ABCA12: variants seen among roughly 807,000 people sequenced by gnomAD.
ABCA12 encodes ATP binding cassette subfamily A member 12, also known as glucosylceramide transporter ABCA12.
In ABCA12, 156 loss-of-function variants were observed where a neutral mutation model predicts 293.5. The ratio of observed to expected loss-of-function variants is 0.53; its 90% CI spans 0.47 to 0.61. The LOEUF (loss-of-function observed/expected upper bound fraction) is 0.61, where lower values mean the gene tolerates loss of function less well. ABCA12 is among the 20% of genes least tolerant of loss of function. The pLI is 0.00. For missense variants in ABCA12, 2,797 were observed against 3,090.2 expected (o/e 0.91, Z 2.25); for synonymous variants, 1,063 against 1,108.0 (o/e 0.96, Z 0.81).
chr2:215,026,674 C>G lies in ABCA12; in HGVS notation c.1180+146G>C, dbSNP rs557524356. 44 of 754,376 alleles carry G rather than the reference C, an allele frequency of 5.8e-5. No individual in the cohort carries two copies. The East Asian group carries it at 1.1e-3, about 18-fold the overall frequency. The allele number at this position is 754,376 out of a possible 1,614,324, so 46.7% of individuals were successfully genotyped here. On this transcript the variant is annotated intron_variant, in intron 10 of 52. Coordinates refer to ENST00000272895, the MANE Select transcript of ABCA12 (RefSeq NM_173076.3). ...ATGACAAGACATTCCCTTTGTATAT[C>G]AAATCACCAGACTGAAACTGATGCA...
Position 215,052,487 on chromosome 2 carries a change from C to G in ABCA12, c.507G>C (p.Lys169Asn), listed in dbSNP as rs1313215239. Residue 169 changes from lysine (K) to asparagine (N), a missense_variant and splice_region_variant, in exon 5 of 53, where the codon AAG becomes AAC. Coordinates refer to ENST00000272895, the MANE Select transcript of ABCA12 (RefSeq NM_173076.3). ...QVLARILGLE[K>N]LLKQNSTSED... ...CCATTACAAAATTGAATCAAGTTACCTTTTCCAAGCCAAGAATTCGTGCGA... is the reference window on the plus strand; with the variant it reads ...CCATTACAAAATTGAATCAAGTTACGTTTTCCAAGCCAAGAATTCGTGCGA... 3.1e-6 allele frequency: 5 copies of G among 1,611,786 alleles called. No individual in the cohort carries two copies. The highest frequency in any genetic ancestry group is 1.3e-5 in the African/African-American group (1 of 74,798).
Position 214,978,335 on chromosome 2 carries a change from G to T in ABCA12, c.5109C>A (p.Ser1703Arg). 1.9e-6 allele frequency: 3 copies of T among 1,614,000 alleles called. 1 individual carries two copies. Among genetic ancestry groups the T allele is most frequent in the South Asian group, 2.2e-5 (2 of 91,080 alleles). The change falls in exon 33 of 53, where the codon AGC (serine) becomes AGA (arginine). Residue 1703 changes from serine (S) to arginine (R), a missense_variant. Ser to Arg is a moderately radical substitution (Grantham distance 110, BLOSUM62 -1). Around this residue, in one of 3 missense-constraint regions of ABCA12, gnomAD observed 2,130 missense variants for 2,427.0 expected, o/e 0.88. Transcript: ENST00000272895. ...TCATACCATCTCTGTCTGTGAAATT[G>T]CTGCTGCTCACAGATAAATCGTCAG... ...STPDDLSVSS[S>R]NFTDRDDKIL... is the part of the protein sequence containing the mutation.
At chr2:214,989,811 G>C (rs1699875784) in intron 24 of ABCA12, among the ~76,000 whole-genome samples, 190 bp from the exon 25 acceptor site, 1 of 152,156 alleles carries the variant, frequency 6.6e-6, no homozygotes, top group South Asian at 2.1e-4. Context: ...AGAGAGAATA[G>C]CAGAAAACAA....
At chr2:214,987,280 G>C (rs1699808827) in intron 27 of ABCA12, among the ~76,000 whole-genome samples, 1 of 152,142 alleles carries the variant, frequency 6.6e-6, no homozygotes, top group African/African-American at 2.4e-5. Context: ...ATTTGTGATG[G>C]GTTATGCTAA....
In ABCA12 at chr2:215,138,140, C is replaced by T. The variant is rs2105925883; in HGVS notation, c.69G>A (p.Pro23=). The change falls in exon 1 of 53, where the codon CCG becomes CCA. Residue 23 remains proline (P), a splice_region_variant and synonymous_variant. Transcript: ENST00000272895. ...ACTCCCACACTTTTTTTTAACTCAC[C>T]GGCTGCCTTTTTACACCTAGCCAAT... ...WKNWLGVKRQ[P]LWTLVLILWP... The T allele has an allele frequency of 1.9e-6, 3 of 1,613,952 alleles. No individual in the cohort carries two copies. The highest frequency in any genetic ancestry group is 1.1e-5 in the South Asian group (1 of 91,074).
intron 1 of ABCA12, among the ~76,000 whole-genome samples, chr2:215,131,993 A>C (rs1352195372): frequency 2.0e-5 from 3 of 151,900 alleles, no homozygotes; most frequent in Non-Finnish European, 4.4e-5. Flanking sequence ...TATTGTTTAC[A>C]CAAAAGCTGT....
chr2:214,937,363 T>A, intron 51 of ABCA12, 147 bp downstream of exon 51: 1 of 571,284 alleles, frequency 1.8e-6, no homozygotes. Context: ...CATGCCCAGC[T>A]AATTTTTGTA....
intron 16 of ABCA12, 125 bp downstream of exon 16, chr2:215,011,846 G>A: frequency 8.3e-7 from 1 of 1,203,576 alleles, no homozygotes; most frequent in Non-Finnish European, 1.2e-6. Context: ...CTAGGTAGAA[G>A]AGTTTTCTTG....
chr2:215,071,071 C>T (rs1701727516), intron 2 of ABCA12, among the ~76,000 whole-genome samples: 1 of 151,648 alleles, frequency 6.6e-6, no homozygotes, highest in South Asian at 2.1e-4. Flanking sequence ...CTGGTATGTG[C>T]CTGCAGTCCC....
intron 37 of ABCA12, among the ~76,000 whole-genome samples, chr2:214,969,912 A>T (rs1699348446): frequency 6.6e-6 from 1 of 152,042 alleles, no homozygotes; most frequent in African/African-American, 2.4e-5. Context: ...TCACACTCTT[A>T]AGTTTTGAGA....
intron 2 of ABCA12, among the ~76,000 whole-genome samples, chr2:215,089,798 TCCTTTTTTC>T (rs1304472145): frequency 2.0e-5 from 3 of 152,242 alleles, no homozygotes; most frequent in African/African-American, 7.2e-5. Context: ...ACCATTGATT[TCCTTTTTTC>T]CTCCAAACAC....
At chr2:215,045,645 T>C (rs929834869) in intron 7 of ABCA12, among the ~76,000 whole-genome samples, 192 bp downstream of exon 7, 5 of 152,206 alleles carry the variant, frequency 3.3e-5, no homozygotes, top group African/African-American at 1.2e-4. Context: ...ATAACCTTGA[T>C]GACCACAGTG....
At position 214,947,015 on chromosome 2, in the gene ABCA12, A is replaced by T. The variant is rs533382859; in HGVS notation, c.7239+407T>A. The stretch of plus-strand genomic sequence containing the variant: ...GTCCTAAAATGTGTCTGTCCTCCAT[A>T]GTAGAAGCTGGAAAATGTGAGTTTA... On this transcript the variant is annotated intron_variant, in intron 48 of 52. Transcript: ENST00000272895. Among the ~76,000 whole-genome samples the T allele has an allele frequency of 1.3e-4, 20 of 152,282 alleles. No individual in the cohort carries two copies. In the South Asian group the frequency reaches 4.1e-3, roughly 32 times the overall value.
chr2:214,982,109 G>T, intron 30 of ABCA12, 78 bp downstream of exon 30: 1 of 1,475,620 alleles, frequency 6.8e-7, no homozygotes, highest in Non-Finnish European at 9.5e-7. Context: ...ACTGCACCCA[G>T]CCTCAGTTTG....
At chr2:215,078,712 C>T (rs1269020682) in intron 2 of ABCA12, among the ~76,000 whole-genome samples, 1 of 152,170 alleles carries the variant, frequency 6.6e-6, no homozygotes, top group Non-Finnish European at 1.5e-5. Flanking sequence ...ATAACTGTTT[C>T]TACCCTTAGT....
intron 8 of ABCA12, among the ~76,000 whole-genome samples, chr2:215,033,419 T>C (rs1700921278): frequency 6.6e-6 from 1 of 152,200 alleles, no homozygotes. Context: ...GTTTCTCTTT[T>C]TCGTCAAGCC....
chr2:215,037,620 A>G (rs536468634), intron 7 of ABCA12, among the ~76,000 whole-genome samples: 1 of 152,312 alleles, frequency 6.6e-6, no homozygotes, highest in South Asian at 2.1e-4. Flanking sequence ...TTCCAGAGGT[A>G]GTTCAAAATT....
chr2:215,099,800 C>G (rs1301903583), intron 2 of ABCA12, among the ~76,000 whole-genome samples: 6 of 152,002 alleles, frequency 3.9e-5, no homozygotes, highest in African/African-American at 1.4e-4. Context: ...CAACAGATAA[C>G]TAATACAGCC....
chr2:215,042,147 G>A (rs937293488), intron 7 of ABCA12: 7 of 152,140 alleles, frequency 4.6e-5, no homozygotes, highest in African/African-American at 1.7e-4. Context: ...TGTTAAAAGG[G>A]CAGAGCTCAT....
Sources: allele counts gnomAD v4.1 joint callset (sites outside exome capture counted in the v4.1 genomes callset), GRCh38; gene constraint gnomAD v4.1.1; regional missense constraint gnomAD v4.1.1; transcripts MANE v1.5; gene names NCBI Gene and HGNC (gene_info 2026-07-23, HGNC 2026-07-21).